The following CNTN5 variants were observed in gnomAD, a reference collection of about 807,000 sequenced individuals.
CNTN5 encodes contactin-5.
In CNTN5, 77 loss-of-function variants were observed where a neutral mutation model predicts 129.1. The ratio of observed to expected loss-of-function variants is 0.60; its 90% CI spans 0.50 to 0.72. The LOEUF is 0.72. Among genes scored for constraint, CNTN5 ranks in the 30% least tolerant of loss-of-function variants. The pLI is 0.00. For missense variants in CNTN5, 1,478 were observed against 1,328.8 expected (o/e 1.11, Z -1.75); for synonymous variants, 509 against 465.6 (o/e 1.09, Z -1.20).
chr11:99,878,726 CGT>C (rs1170928276), intron 6 of CNTN5, among the ~76,000 whole-genome samples: 36 of 151,902 alleles, frequency 2.4e-4, no homozygotes, highest in African/African-American at 8.7e-4. Flanking sequence ...CGTGGTGGCG[CGT>C]GCCTGTAGTC....
At chr11:99,681,033 T>C (rs1252445304) in intron 3 of CNTN5, among the ~76,000 whole-genome samples, 2 of 151,894 alleles carry the variant, frequency 1.3e-5, no homozygotes, top group African/African-American at 2.4e-5. Context: ...GATGTAAAAA[T>C]ATCAAGAACT....
At chr11:100,185,802 A>T (rs181787526) in intron 13 of CNTN5, among the ~76,000 whole-genome samples, 12 of 152,296 alleles carry the variant, frequency 7.9e-5, no homozygotes, top group African/African-American at 2.9e-4. Context: ...CCACGTGAGC[A>T]CACGGTGAGA....
At chr11:99,168,233 C>T (rs1445943733) in intron 1 of CNTN5, among the ~76,000 whole-genome samples, 1 of 152,056 alleles carries the variant, frequency 6.6e-6, no homozygotes, top group East Asian at 1.9e-4. Context: ...AGTGAGTCAC[C>T]ACACCTGACC....
chr11:100,172,751 A>G (rs1343630125), intron 13 of CNTN5, among the ~76,000 whole-genome samples: 1 of 152,090 alleles, frequency 6.6e-6, no homozygotes, highest in Non-Finnish European at 1.5e-5. Context: ...ATATAGATGT[A>G]AAAAAGCAGC....
chr11:99,977,656 C>A (rs1246582872), intron 8 of CNTN5, among the ~76,000 whole-genome samples: 1 of 152,120 alleles, frequency 6.6e-6, no homozygotes, highest in Non-Finnish European at 1.5e-5. Flanking sequence ...CTTGTTAGAA[C>A]TCTCATGAGA....
intron 1 of CNTN5, among the ~76,000 whole-genome samples, chr11:99,131,348 T>C (rs1184621131): frequency 6.9e-6 from 1 of 145,448 alleles, no homozygotes; most frequent in Non-Finnish European, 1.5e-5. Context: ...CTAAAATAAC[T>C]AGAGAACCAA....
intron 6 of CNTN5, among the ~76,000 whole-genome samples, chr11:99,900,547 AT>A (rs143767332): frequency 0.095 from 14,242 of 149,772 alleles, 1,507 homozygotes; most frequent in African/African-American, 0.26. Flanking sequence ...TCATTCATTA[AT>A]TTTTTTTTTA....
At chr11:99,348,115 G>A (rs555141706) in intron 2 of CNTN5, among the ~76,000 whole-genome samples, 7 of 152,072 alleles carry the variant, frequency 4.6e-5, no homozygotes, top group Middle Eastern at 3.4e-3. Flanking sequence ...TCTTCTTAGC[G>A]GATCACGAGG....
Position 100,054,922 on chromosome 11 carries a change from A to G in CNTN5, c.981-6290A>G, listed in dbSNP as rs566580620. Among the ~76,000 whole-genome samples, 50 of 141,756 alleles carry G rather than the reference A, an allele frequency of 3.5e-4. No homozygotes were observed. The South Asian group carries it at 0.012, about 34-fold the overall frequency. 93.0% of individuals were successfully genotyped at this position (141,756 alleles called of 152,430 possible). On this transcript the variant is annotated intron_variant, in intron 9 of 24. Coordinates refer to ENST00000524871, the MANE Select transcript of CNTN5 (RefSeq NM_014361.4). ...TTTTCAACTTGTTACTTACAAATTT[A>G]TTCTGGGTATTGATATCAAACTGCC...
intron 17 of CNTN5, among the ~76,000 whole-genome samples, chr11:100,264,826 C>T (rs561513840): frequency 1.3e-5 from 2 of 152,156 alleles, no homozygotes; most frequent in Admixed American, 6.6e-5. Flanking sequence ...CCCCAAGGGT[C>T]GAGCTAATTT....
intron 16 of CNTN5, among the ~76,000 whole-genome samples, chr11:100,253,171 T>C (rs1950004378): frequency 6.6e-6 from 1 of 152,168 alleles, no homozygotes; most frequent in South Asian, 2.1e-4. Flanking sequence ...TTTTTCTCTT[T>C]CTTTCTTCAG....
At chr11:99,259,110 A>C (rs1862513124) in intron 1 of CNTN5, among the ~76,000 whole-genome samples, 1 of 151,910 alleles carries the variant, frequency 6.6e-6, no homozygotes, top group Non-Finnish European at 1.5e-5. Flanking sequence ...ATACACACAT[A>C]ATACATGCAA....
intron 7 of CNTN5, among the ~76,000 whole-genome samples, chr11:99,941,160 C>A (rs6590446): frequency 1.3e-5 from 2 of 151,620 alleles, no homozygotes. Context: ...GTCAATCTAA[C>A]GGGACCTATA....
intron 2 of CNTN5, among the ~76,000 whole-genome samples, chr11:99,443,874 A>C (rs1414005776): frequency 1.3e-5 from 2 of 152,138 alleles, no homozygotes; most frequent in Non-Finnish European, 2.9e-5. Context: ...ACTATTTTTG[A>C]ATCTTTTCTA....
chr11:99,080,285 G>C (rs1034305006), intron 1 of CNTN5, among the ~76,000 whole-genome samples: 6 of 152,162 alleles, frequency 3.9e-5, no homozygotes, highest in African/African-American at 1.4e-4. Context: ...AAGGAACAAG[G>C]TGATAATGAC....
At chr11:99,494,873 A>G (rs1946166789) in intron 2 of CNTN5, among the ~76,000 whole-genome samples, 1 of 152,220 alleles carries the variant, frequency 6.6e-6, no homozygotes, top group Non-Finnish European at 1.5e-5. Context: ...AAAGTGATAG[A>G]ACAGTATCTG....
At chr11:99,102,359 C>T (rs560211064) in intron 1 of CNTN5, among the ~76,000 whole-genome samples, 3 of 152,314 alleles carry the variant, frequency 2.0e-5, no homozygotes, top group South Asian at 4.1e-4. Flanking sequence ...CAAATTTCTG[C>T]AGCCAGCTTG....
intron 13 of CNTN5, among the ~76,000 whole-genome samples, chr11:100,082,559 T>TAAGA (rs1055739578): frequency 1.3e-5 from 2 of 152,150 alleles, no homozygotes; most frequent in African/African-American, 4.8e-5. Context: ...CCCAAATTGC[T>TAAGA]AAGATTATAC....
chr11:100,274,855 A>T (rs518880), intron 18 of CNTN5, among the ~76,000 whole-genome samples: 141,468 of 152,308 alleles, frequency 0.93, 65,861 homozygotes, highest in East Asian at 1. Context: ...AAAACAGAAA[A>T]AACATTCGAC....
Sources: allele counts gnomAD v4.1 joint callset (sites outside exome capture counted in the v4.1 genomes callset), GRCh38; gene constraint gnomAD v4.1.1; transcripts MANE v1.5; gene names NCBI Gene and HGNC (gene_info 2026-07-23, HGNC 2026-07-21).